The following RCHY1 variants were observed in gnomAD, a reference collection of about 807,000 sequenced individuals.
RCHY1 encodes ring finger and CHY zinc finger domain containing 1.
Under a neutral mutation model 41.6 loss-of-function variants are expected in RCHY1, and 21 were observed. The ratio of observed to expected loss-of-function variants is 0.51; its 90% CI spans 0.36 to 0.73. RCHY1 has a LOEUF of 0.73. Ranked by LOEUF, RCHY1 falls within the 30% of genes least tolerant of loss-of-function variation. The probability of loss-of-function intolerance (pLI) is 0.00; values close to 1 mark genes in which losing one functional copy is unlikely to be tolerated. For synonymous variants in RCHY1, 79 were observed against 102.9 expected, an observed-to-expected ratio of 0.77 and a Z score of 1.41; for missense variants, 265 against 325.3, an observed-to-expected ratio of 0.81 and a Z score of 1.43.
At chr4:75,510,317 T>G (rs1469604029) in intron 1 of RCHY1, among the ~76,000 whole-genome samples, 1 of 152,146 alleles carries the variant, frequency 6.6e-6, no homozygotes, top group Non-Finnish European at 1.5e-5. Flanking sequence ...TTGGAATTGT[T>G]AAATGGAAAG....
chr4:75,489,313 T>A (rs1166442065), intron 8 of RCHY1, among the ~76,000 whole-genome samples: 2 of 152,168 alleles, frequency 1.3e-5, no homozygotes, highest in Non-Finnish European at 2.9e-5. Flanking sequence ...CAATTGTCAT[T>A]TTGAATGCAT....
At chr4:75,482,977 C>T (rs1721643637) in intron 8 of RCHY1, among the ~76,000 whole-genome samples, 1 of 151,952 alleles carries the variant, frequency 6.6e-6, no homozygotes, top group South Asian at 2.1e-4. Flanking sequence ...CAGATGAATA[C>T]CTGATACTTA....
chr4:75,487,545 TATATTCATA>T (rs1265907745), intron 8 of RCHY1, among the ~76,000 whole-genome samples: 3 of 111,758 alleles, frequency 2.7e-5, no homozygotes, highest in Admixed American at 1.1e-4. Context: ...TCATAATATA[TATATTCATA>T]ATATATTCAT....
intron 3 of RCHY1, among the ~76,000 whole-genome samples, chr4:75,505,534 T>C (rs1437445904): frequency 2.6e-5 from 4 of 151,400 alleles, no homozygotes; most frequent in Middle Eastern, 6.4e-3. Flanking sequence ...AGATATGATA[T>C]ACAAAATAAC....
chr4:75,508,729 A>T, intron 3 of RCHY1, 91 bp downstream of exon 3: 1 of 640,850 alleles, frequency 1.6e-6, no homozygotes. Flanking sequence ...ATCTTATCAG[A>T]TGTAAATTAC....
intron 1 of RCHY1, among the ~76,000 whole-genome samples, chr4:75,512,814 C>T (rs1006449670): frequency 6.1e-5 from 9 of 146,884 alleles, no homozygotes; most frequent in Non-Finnish European, 7.4e-5. Flanking sequence ...ATCCAAAGGG[C>T]AATTCTCAGT....
chr4:75,504,866 T>C (rs1354098364), intron 3 of RCHY1, among the ~76,000 whole-genome samples: 1 of 152,216 alleles, frequency 6.6e-6, no homozygotes, highest in Non-Finnish European at 1.5e-5. Flanking sequence ...AAATATTTTT[T>C]AAAGTAAAAA....
At chr4:75,487,239 T>C (rs557117012) in intron 8 of RCHY1, among the ~76,000 whole-genome samples, 21 of 149,808 alleles carry the variant, frequency 1.4e-4, no homozygotes, top group African/African-American at 4.9e-4. Flanking sequence ...AAAGATTTCA[T>C]GTAGTATTAA....
At chr4:75,491,996 AT>A in intron 4 of RCHY1, 63 bp from the exon 5 acceptor site, 2 of 1,247,736 alleles carry the variant, frequency 1.6e-6, no homozygotes, top group South Asian at 3.3e-5. Flanking sequence ...AGGTATAAAA[AT>A]ATTAATAATA....
chr4:75,505,691 C>A (rs540576122), intron 3 of RCHY1, among the ~76,000 whole-genome samples: 1 of 152,174 alleles, frequency 6.6e-6, no homozygotes, highest in Non-Finnish European at 1.5e-5. Context: ...TCTACTTCCA[C>A]AATGACGAAA....
intron 8 of RCHY1, among the ~76,000 whole-genome samples, chr4:75,485,603 C>G (rs1032866531): frequency 6.6e-6 from 1 of 152,180 alleles, no homozygotes. Context: ...AAAGTCTTAG[C>G]TGTGTGCTTT....
intron 4 of RCHY1, among the ~76,000 whole-genome samples, chr4:75,492,614 G>A (rs909926699): frequency 6.6e-6 from 1 of 151,898 alleles, no homozygotes; most frequent in African/African-American, 2.4e-5. Context: ...TGCCATGGAA[G>A]ACTCCCAGGT....
intron 6 of RCHY1, 32 bp from the exon 7 acceptor site, chr4:75,491,669 AC>A (rs772092456): frequency 6.2e-7 from 1 of 1,601,934 alleles, no homozygotes. Flanking sequence ...TTTTAGTAAA[AC>A]AAAAACTGTC....
chr4:75,496,351 T>C (rs1250272876), intron 3 of RCHY1, among the ~76,000 whole-genome samples: 2 of 151,936 alleles, frequency 1.3e-5, no homozygotes, highest in African/African-American at 4.8e-5. Context: ...TAGGAAGACA[T>C]CATGATTGAA....
chr4:75,512,162 G>A (rs953209728), intron 1 of RCHY1, among the ~76,000 whole-genome samples: 7 of 152,134 alleles, frequency 4.6e-5, no homozygotes, highest in African/African-American at 1.7e-4. Flanking sequence ...GTTCATATGA[G>A]GTGGACACTT....
intron 3 of RCHY1, among the ~76,000 whole-genome samples, chr4:75,508,406 T>A (rs1724538922): frequency 6.6e-6 from 1 of 152,148 alleles, no homozygotes; most frequent in Non-Finnish European, 1.5e-5. Context: ...TATTTCTACT[T>A]TTCTGTTTTT....
chr4:75,488,671 C>T (rs1722468175), intron 8 of RCHY1, among the ~76,000 whole-genome samples: 1 of 152,160 alleles, frequency 6.6e-6, no homozygotes, highest in Non-Finnish European at 1.5e-5. Flanking sequence ...GTGGTAGGCA[C>T]CTAACCTGGT....
chr4:75,502,535 G>A lies in RCHY1; in HGVS notation c.326+6285C>T, dbSNP rs539415029. On this transcript the variant is annotated intron_variant, in intron 3 of 8. Coordinates refer to ENST00000324439, the MANE Select transcript of RCHY1 (RefSeq NM_015436.4). Reference sequence around the variant, plus strand: ...AGCCTGGGCGCCAGAGTGAGACTCCGTCTCAAAAAAAAAGAGAAAAGAAAT... The same window carrying A: ...AGCCTGGGCGCCAGAGTGAGACTCCATCTCAAAAAAAAAGAGAAAAGAAAT... Among the ~76,000 whole-genome samples the A allele has an allele frequency of 1.2e-4, 18 of 151,492 alleles. No individual in the cohort carries two copies. In the East Asian group the frequency reaches 1.7e-3, roughly 15 times the overall value.
In RCHY1 at chr4:75,482,467, A is replaced by G. The variant is rs1339817426; in HGVS notation, c.*71T>C. The G allele has an allele frequency of 7.0e-7, 1 of 1,424,998 alleles. No homozygotes were observed. The highest frequency in any genetic ancestry group is 9.4e-7 in the Non-Finnish European group (1 of 1,059,978). The allele number at this position is 1,424,998 out of a possible 1,614,324, so 88.3% of individuals were successfully genotyped here. The stretch of plus-strand genomic sequence containing the variant: ...TCTAATGCATAGATGACGACACATG[A>G]TAACACGATACCAAGGAAAGCCTTT... On this transcript the variant is annotated 3_prime_UTR_variant, in exon 9 of 9. Coordinates refer to ENST00000324439, the MANE Select transcript of RCHY1 (RefSeq NM_015436.4).
Sources: gnomAD v4.1 joint callset for allele counts (sites outside exome capture counted in the v4.1 genomes callset) on GRCh38, gnomAD v4.1.1 for gene constraint, MANE v1.5 for transcripts, NCBI Gene and HGNC (gene_info 2026-07-23, HGNC 2026-07-21) for gene names.